Variants in SLC6A11 observed in about 807,000 individuals in gnomAD.
SLC6A11 encodes the protein solute carrier family 6 member 11.
A neutral mutation model predicts 74.8 loss-of-function variants in SLC6A11; 25 were observed. The observed-to-expected ratio is 0.33, with a 90% CI of 0.24 to 0.47. The LOEUF (loss-of-function observed/expected upper bound fraction) is 0.47, where lower values mean the gene tolerates loss of function less well. Among genes scored for constraint, SLC6A11 ranks in the 20% least tolerant of loss-of-function variants. SLC6A11 has a pLI of 1.00. For missense variants in SLC6A11, 574 were observed against 837.0 expected, an observed-to-expected ratio of 0.69 and a Z score of 3.88; for synonymous variants, 330 against 330.2, an observed-to-expected ratio of 1.00 and a Z score of 0.01.
At chr3:10,842,376 G>A (rs1300780735) in intron 4 of SLC6A11, among the ~76,000 whole-genome samples, 1 of 152,176 alleles carries the variant, frequency 6.6e-6, no homozygotes, top group Non-Finnish European at 1.5e-5. Context: ...CTTTGCAAAG[G>A]TTGGGACCCA....
intron 6 of SLC6A11, among the ~76,000 whole-genome samples, chr3:10,884,160 G>A (rs1208366934): frequency 1.3e-5 from 2 of 152,164 alleles, no homozygotes; most frequent in African/African-American, 2.4e-5. Context: ...ACGCTTAAAG[G>A]TAGTGGATGT....
chr3:10,856,255 C>A (rs1694637334), intron 5 of SLC6A11, among the ~76,000 whole-genome samples: 2 of 152,174 alleles, frequency 1.3e-5, no homozygotes, highest in Non-Finnish European at 2.9e-5. Flanking sequence ...AGGTGTGAAA[C>A]CCTTGTCTGA....
intron 4 of SLC6A11, among the ~76,000 whole-genome samples, chr3:10,835,143 G>C (rs537495161): frequency 2.6e-5 from 4 of 152,346 alleles, no homozygotes; most frequent in African/African-American, 9.6e-5. Flanking sequence ...GGAGGGGCCA[G>C]GGCACAGGTG....
At chr3:10,921,671 C>T (rs934651838) in intron 8 of SLC6A11, among the ~76,000 whole-genome samples, 1 of 151,832 alleles carries the variant, frequency 6.6e-6, no homozygotes, top group African/African-American at 2.4e-5. Flanking sequence ...ACCAGATACA[C>T]TAATTAAAAG....
Position 10,816,256 on chromosome 3 carries a change from C to T in SLC6A11, c.-10C>T, listed in dbSNP as rs908759533. On this transcript the variant is annotated 5_prime_UTR_variant, in exon 1 of 14. Transcript: ENST00000254488. The surrounding 1 kb of genome is among the most constrained non-coding windows in gnomAD (Gnocchi z 4.2). Reference sequence around the variant, plus strand: ...GAGCCGGGCCGGCGCACGAGGCAGCCAGCGCGGCCATGACGGCGGAGAAGG... The same window carrying T: ...GAGCCGGGCCGGCGCACGAGGCAGCTAGCGCGGCCATGACGGCGGAGAAGG... 1.5e-6 allele frequency: 2 copies of T among 1,318,008 alleles called. No homozygotes were observed. Among genetic ancestry groups the T allele is most frequent in the Non-Finnish European group, 1.9e-6 (2 of 1,036,256 alleles). 81.6% of individuals were successfully genotyped at this position (1,318,008 alleles called of 1,614,324 possible). A position where few individuals can be genotyped will look rare whatever the true frequency, so the allele number is the denominator to read the frequency against.
intron 8 of SLC6A11, among the ~76,000 whole-genome samples, chr3:10,920,802 C>T (rs915582053): frequency 4.6e-5 from 7 of 152,202 alleles, no homozygotes; most frequent in African/African-American, 1.4e-4. Flanking sequence ...AGCCTGGATC[C>T]GGTCTCTTCT....
chr3:10,875,745 A>G (rs1209657710), intron 6 of SLC6A11, among the ~76,000 whole-genome samples: 3 of 152,208 alleles, frequency 2.0e-5, no homozygotes, highest in African/African-American at 7.2e-5. Flanking sequence ...AGGTTCTCTT[A>G]GTGGGTACAT....
chr3:10,903,880 A>G (rs947792763), intron 6 of SLC6A11, among the ~76,000 whole-genome samples: 12 of 152,200 alleles, frequency 7.9e-5, no homozygotes, highest in East Asian at 1.9e-4. Context: ...AGTCTCCCCA[A>G]TTGGATAAGT....
intron 5 of SLC6A11, among the ~76,000 whole-genome samples, chr3:10,857,915 C>T (rs963288186): frequency 2.6e-5 from 4 of 152,172 alleles, no homozygotes; most frequent in African/African-American, 7.2e-5. Context: ...TGTAAATGCT[C>T]GAGCACACAA....
intron 5 of SLC6A11, among the ~76,000 whole-genome samples, chr3:10,848,402 C>T (rs1196195976): frequency 6.6e-6 from 1 of 152,190 alleles, no homozygotes; most frequent in Non-Finnish European, 1.5e-5. Context: ...CTCCACAAAC[C>T]CCCTTGGGCA....
At chr3:10,875,344 G>A (rs967364611) in intron 6 of SLC6A11, among the ~76,000 whole-genome samples, 8 of 152,172 alleles carry the variant, frequency 5.3e-5, no homozygotes, top group Non-Finnish European at 8.8e-5. Context: ...TTAAAACGAG[G>A]ACATTACATA....
intron 5 of SLC6A11, among the ~76,000 whole-genome samples, chr3:10,866,752 C>A (rs139976983): frequency 5.9e-5 from 9 of 152,310 alleles, no homozygotes; most frequent in African/African-American, 1.7e-4. Flanking sequence ...AATTTGGTTG[C>A]TTAAAACAGA....
intron 1 of SLC6A11, among the ~76,000 whole-genome samples, chr3:10,819,114 G>T (rs1184280505): frequency 6.6e-6 from 1 of 152,200 alleles, no homozygotes; most frequent in Admixed American, 6.5e-5. Context: ...GGGAGGGAAT[G>T]AATTTGACCC....
chr3:10,885,410 A>G (rs1035037317), intron 6 of SLC6A11, among the ~76,000 whole-genome samples: 3 of 152,074 alleles, frequency 2.0e-5, no homozygotes, highest in African/African-American at 7.2e-5. Context: ...CTTAATTAGG[A>G]TGAGTGTAAA....
chr3:10,883,818 G>A (rs755727102), intron 6 of SLC6A11, among the ~76,000 whole-genome samples: 3 of 152,060 alleles, frequency 2.0e-5, no homozygotes, highest in Admixed American at 6.5e-5. Context: ...CATTATATAC[G>A]GTTTTGAAAA....
intron 4 of SLC6A11, among the ~76,000 whole-genome samples, chr3:10,843,967 G>A (rs1010594649): frequency 4.6e-5 from 7 of 152,190 alleles, no homozygotes; most frequent in Non-Finnish European, 8.8e-5. Context: ...CCCTTTCCAC[G>A]CTGTTCTTGT....
intron 7 of SLC6A11, among the ~76,000 whole-genome samples, chr3:10,917,759 G>C (rs1306266759): frequency 6.6e-6 from 1 of 152,232 alleles, no homozygotes; most frequent in Non-Finnish European, 1.5e-5. Flanking sequence ...CCTGGAAGGG[G>C]CTGCTCGCTC....
chr3:10,858,150 C>CGGAG (rs1694660358), intron 5 of SLC6A11, among the ~76,000 whole-genome samples: 1 of 152,180 alleles, frequency 6.6e-6, no homozygotes, highest in East Asian at 1.9e-4. Context: ...TCACATTCCA[C>CGGAG]GGACAGTACA....
intron 10 of SLC6A11, 104 bp from the exon 11 acceptor site, chr3:10,933,047 A>T: frequency 1.3e-6 from 1 of 768,530 alleles, no homozygotes; most frequent in Non-Finnish European, 2.3e-6. Flanking sequence ...TGGCAGTGGT[A>T]GCCACAGAGC....
Sources: allele counts gnomAD v4.1 joint callset (sites outside exome capture counted in the v4.1 genomes callset), GRCh38; gene constraint gnomAD v4.1.1; non-coding constraint Gnocchi (gnomAD v3.1); transcripts MANE v1.5; gene names NCBI Gene and HGNC (gene_info 2026-07-23, HGNC 2026-07-21).